The following KMT2E variants were observed in gnomAD, a reference collection of about 807,000 sequenced individuals.
KMT2E encodes histone reader KMT2E.
Under a neutral mutation model 184.6 loss-of-function variants are expected in KMT2E, and 30 were observed. The ratio of observed to expected loss-of-function variants is 0.16; its 90% CI spans 0.12 to 0.22. KMT2E has a LOEUF of 0.22. Among genes scored for constraint, KMT2E ranks in the 10% least tolerant of loss-of-function variants. The pLI, the probability that KMT2E is intolerant of heterozygous loss-of-function variation, is 1.00. For missense variants in KMT2E, 2,023 were observed against 2,237.4 expected, an observed-to-expected ratio of 0.90 and a Z score of 1.93; for synonymous variants, 815 against 776.5, an observed-to-expected ratio of 1.05 and a Z score of -0.82.
At chr7:105,087,651 C>T (rs990274579) in intron 13 of KMT2E, among the ~76,000 whole-genome samples, 7 of 151,608 alleles carry the variant, frequency 4.6e-5, no homozygotes, top group South Asian at 4.2e-4. Context: ...CTCCAACTCC[C>T]GAGCTCAGGC....
At chr7:105,039,620 C>T (rs1367969880) in intron 2 of KMT2E, among the ~76,000 whole-genome samples, 9 of 152,116 alleles carry the variant, frequency 5.9e-5, no homozygotes, top group South Asian at 2.1e-4. Context: ...ATTACCAAAG[C>T]GGGTTAATAA....
intron 2 of KMT2E, among the ~76,000 whole-genome samples, chr7:105,039,579 C>T (rs1287610077): frequency 1.3e-5 from 2 of 152,120 alleles, no homozygotes; most frequent in Non-Finnish European, 2.9e-5. Flanking sequence ...ACAGATTATA[C>T]AGATTGTGAG....
intron 15 of KMT2E, among the ~76,000 whole-genome samples, chr7:105,101,189 C>CA (rs1390010533): frequency 6.6e-6 from 1 of 152,084 alleles, no homozygotes; most frequent in African/African-American, 2.4e-5. Flanking sequence ...AACACTCAGT[C>CA]ATCCAAGTGT....
At chr7:105,070,632 CAAAAAAAAAAAA>C (rs57911728) in intron 6 of KMT2E, among the ~76,000 whole-genome samples, 5 of 59,516 alleles carry the variant, frequency 8.4e-5, no homozygotes, top group South Asian at 7.3e-4. Flanking sequence ...GACTGTGTCT[CAAAAAAAAAAAA>C]AAAAAAAAAA....
intron 1 of KMT2E, among the ~76,000 whole-genome samples, chr7:105,021,988 C>CTGTTTGCTTTAT (rs1794975686): frequency 6.6e-6 from 1 of 152,056 alleles, no homozygotes; most frequent in Non-Finnish European, 1.5e-5. Context: ...TGACATTTTG[C>CTGTTTGCTTTAT]TGTTTGCTTT....
chr7:105,072,363 G>A (rs951248899), intron 6 of KMT2E, among the ~76,000 whole-genome samples: 1 of 152,052 alleles, frequency 6.6e-6, no homozygotes, highest in Admixed American at 6.6e-5. Context: ...TTACCATTAG[G>A]AGGGCAGTTA....
intron 1 of KMT2E, among the ~76,000 whole-genome samples, chr7:105,027,293 A>G (rs1409810341): frequency 6.6e-6 from 1 of 151,862 alleles, no homozygotes; most frequent in African/African-American, 2.4e-5. Context: ...CTCACTAAAC[A>G]GCCCATGCTG....
chr7:105,089,995 G>T lies in KMT2E; in HGVS notation c.1359-14G>T. On this transcript the variant is annotated splice_polypyrimidine_tract_variant and intron_variant, in intron 13 of 26. Coordinates refer to ENST00000311117, the MANE Select transcript of KMT2E (RefSeq NM_182931.3). ...TATATTTTGAAATAAATATTTAACT[G>T]GTTATCTTTCCAGTAAGTACAAGGT... The T allele has an allele frequency of 1.9e-6, 3 of 1,591,356 alleles. No individual in the cohort carries two copies. Among genetic ancestry groups the T allele is most frequent in the Non-Finnish European group, 2.6e-6 (3 of 1,172,454 alleles).
intron 3 of KMT2E, among the ~76,000 whole-genome samples, chr7:105,061,129 G>T (rs574900944): frequency 6.6e-6 from 1 of 151,994 alleles, no homozygotes; most frequent in East Asian, 1.9e-4. Context: ...CAGCCACTGA[G>T]AGCTAAATTG....
At chr7:105,030,768 G>A (rs953930054) in intron 1 of KMT2E, among the ~76,000 whole-genome samples, 2 of 152,156 alleles carry the variant, frequency 1.3e-5, no homozygotes, top group Middle Eastern at 3.2e-3. Flanking sequence ...AAAAGTAACA[G>A]TTGTGGATCT....
In KMT2E at chr7:105,040,918, C is replaced by G. The variant is rs1343431133; in HGVS notation, c.-35C>G. 1 of 1,550,332 alleles carries G rather than the reference C, an allele frequency of 6.5e-7. No individual in the cohort carries two copies. The highest frequency in any genetic ancestry group is 8.9e-7 in the Non-Finnish European group (1 of 1,125,472). ...GTGTTTTGGATACCAATGCATAGGACTCCATAGTAATCGAATTTACCAGAG... is the reference window on the plus strand; with the variant it reads ...GTGTTTTGGATACCAATGCATAGGAGTCCATAGTAATCGAATTTACCAGAG... On this transcript the variant is annotated 5_prime_UTR_variant, in exon 3 of 27. Transcript: ENST00000311117.
At chr7:105,054,681 A>G (rs1433318830) in intron 3 of KMT2E, among the ~76,000 whole-genome samples, 1 of 151,890 alleles carries the variant, frequency 6.6e-6, no homozygotes, top group African/African-American at 2.4e-5. Flanking sequence ...TGCCTGGCTA[A>G]TTTTGTATTT....
intron 15 of KMT2E, among the ~76,000 whole-genome samples, chr7:105,099,234 G>A (rs1466895612): frequency 6.6e-6 from 1 of 152,230 alleles, no homozygotes; most frequent in Non-Finnish European, 1.5e-5. Context: ...TTACCCAGCT[G>A]TAGTAATGTA....
chr7:105,030,462 A>G (rs1370561698), intron 1 of KMT2E, among the ~76,000 whole-genome samples: 5 of 152,242 alleles, frequency 3.3e-5, no homozygotes, highest in Admixed American at 6.5e-5. Flanking sequence ...GGAGTTATAG[A>G]TTGGATTATT....
chr7:105,015,379 C>G (rs148777448), intron 1 of KMT2E, among the ~76,000 whole-genome samples: 1 of 152,288 alleles, frequency 6.6e-6, no homozygotes, highest in Non-Finnish European at 1.5e-5. Flanking sequence ...CGTATAGATC[C>G]GTCCTTGCTG....
chr7:105,067,406 CTTTT>C (rs1363963665), intron 6 of KMT2E, among the ~76,000 whole-genome samples: 2 of 151,614 alleles, frequency 1.3e-5, no homozygotes, highest in African/African-American at 2.4e-5. Context: ...TTCCACATTT[CTTTT>C]TTGTTTTTTA....
intron 1 of KMT2E, among the ~76,000 whole-genome samples, chr7:105,032,022 C>T (rs2129564614): frequency 7.7e-6 from 1 of 129,854 alleles, no homozygotes; most frequent in South Asian, 2.5e-4. Flanking sequence ...GCCGAAATCA[C>T]ACTACTGCAC....
At chr7:105,075,225 G>A (rs989766661) in intron 8 of KMT2E, among the ~76,000 whole-genome samples, 4 of 140,416 alleles carry the variant, frequency 2.8e-5, no homozygotes, top group African/African-American at 1.0e-4. Context: ...CTCTTGTAAC[G>A]TATTGTCTAC....
rs752612116 is a variant in KMT2E at position 105,063,589 on chromosome 7, T to C, written c.416+9T>C. 9 of 1,499,752 alleles carry C rather than the reference T, an allele frequency of 6.0e-6. No individual in the cohort carries two copies. Among genetic ancestry groups the C allele is most frequent in the Admixed American group, 6.0e-5 (3 of 50,392 alleles). 92.9% of individuals were successfully genotyped at this position (1,499,752 alleles called of 1,614,324 possible). ...TGTTGTGACAAATGCAGGTAAAATA[T>C]TTTACACCATTATTTTATTTTTCTT... On this transcript the variant is annotated intron_variant, in intron 5 of 26. Transcript: ENST00000311117.
Sources: gnomAD v4.1 joint callset for allele counts (sites outside exome capture counted in the v4.1 genomes callset) on GRCh38, gnomAD v4.1.1 for gene constraint, MANE v1.5 for transcripts, NCBI Gene and HGNC (gene_info 2026-07-23, HGNC 2026-07-21) for gene names.